Variants in UBR3 observed in about 807,000 individuals in gnomAD.
UBR3 encodes the protein E3 ubiquitin-protein ligase UBR3.
In UBR3, 85 loss-of-function variants were observed where a neutral mutation model predicts 243.2. The ratio of observed to expected loss-of-function variants is 0.35; its 90% confidence interval spans 0.29 to 0.42. UBR3 has a LOEUF of 0.42. Among genes scored for constraint, UBR3 ranks in the 10% least tolerant of loss-of-function variants. The pLI is 1.00. For synonymous variants in UBR3, 748 were observed against 799.8 expected, an observed-to-expected ratio of 0.94 and a Z score of 1.09; for missense variants, 1,686 against 2,300.8, an observed-to-expected ratio of 0.73 and a Z score of 5.47.
intron 27 of UBR3, among the ~76,000 whole-genome samples, chr2:170,003,766 G>T (rs541442865): frequency 7.2e-4 from 110 of 151,798 alleles, no homozygotes; most frequent in African/African-American, 2.5e-3. Context: ...TCAGCCTCCC[G>T]AGTGGCTGGG....
intron 24 of UBR3, among the ~76,000 whole-genome samples, chr2:169,962,383 C>T (rs1309627638): frequency 6.6e-6 from 1 of 152,032 alleles, no homozygotes; most frequent in African/African-American, 2.4e-5. Flanking sequence ...GCCAGTTAAG[C>T]CTTTAAATGA....
rs114791659 is a variant in UBR3 at position 169,890,297 on chromosome 2, T to C, written c.1039-868T>C. 2.8e-3 allele frequency among the ~76,000 whole-genome samples: 421 copies of C among 152,066 alleles called. 1 individual carries two copies. Among genetic ancestry groups the C allele is most frequent in the African/African-American group, 9.8e-3 (405 of 41,454 alleles). ...CTTCTTTGCTCCTCTTCCCTCTGCA[T>C]TGTCATAGTTGGCTGGCTTTCTTTA... On this transcript the variant is annotated intron_variant, in intron 5 of 38. Transcript: ENST00000272793.
At chr2:170,067,177 T>G (rs934551797) in intron 35 of UBR3, among the ~76,000 whole-genome samples, 8 of 152,088 alleles carry the variant, frequency 5.3e-5, no homozygotes, top group Non-Finnish European at 8.8e-5. Flanking sequence ...ATGCTGTTCC[T>G]TGCCACACAA....
At chr2:169,864,685 C>T (rs374579379) in intron 1 of UBR3, among the ~76,000 whole-genome samples, 22 of 151,752 alleles carry the variant, frequency 1.4e-4, no homozygotes, top group Non-Finnish European at 2.2e-4. Flanking sequence ...AGGCAGATCA[C>T]GAGGTCAGGA....
At chr2:170,007,411 C>T (rs939927409) in intron 28 of UBR3, among the ~76,000 whole-genome samples, 3 of 152,066 alleles carry the variant, frequency 2.0e-5, no homozygotes, top group African/African-American at 7.2e-5. Flanking sequence ...TTTTAATATA[C>T]GTCTTCTAGG....
chr2:169,912,783 T>G (rs1420285200), intron 10 of UBR3, among the ~76,000 whole-genome samples: 1 of 149,650 alleles, frequency 6.7e-6, no homozygotes, highest in Non-Finnish European at 1.5e-5. Context: ...ACTGCCAAGC[T>G]TTTTTTTTTC....
At chr2:169,967,084 AT>A (rs1315281203) in intron 24 of UBR3, among the ~76,000 whole-genome samples, 1 of 152,198 alleles carries the variant, frequency 6.6e-6, no homozygotes, top group Non-Finnish European at 1.5e-5. Context: ...GATAGGTAGT[AT>A]TATCCCACAT....
At chr2:169,862,419 G>T (rs2083125051) in intron 1 of UBR3, among the ~76,000 whole-genome samples, 1 of 152,100 alleles carries the variant, frequency 6.6e-6, no homozygotes, top group Non-Finnish European at 1.5e-5. Context: ...ATTTGGAACT[G>T]AATTTCTGAT....
rs1374672663 is a variant in UBR3, at chr2:169,929,528, A to G, written c.2566+660A>G. 4.6e-5 allele frequency among the ~76,000 whole-genome samples: 7 copies of G among 152,132 alleles called. No individual in the cohort carries two copies. The East Asian group carries it at 7.7e-4, about 17-fold the overall frequency. On this transcript the variant is annotated intron_variant, in intron 18 of 38. Coordinates refer to ENST00000272793, the MANE Select transcript of UBR3 (RefSeq NM_172070.4). ...GAGGTGGAGGTTATAGTGAGACCCTATCGTGGCCACTGCACTCCAGCCTAG... is the reference window on the plus strand; with the variant it reads ...GAGGTGGAGGTTATAGTGAGACCCTGTCGTGGCCACTGCACTCCAGCCTAG...
Position 169,921,235 on chromosome 2 carries a change from T to TA in UBR3, c.1867-2692dup, listed in dbSNP as rs532518294. Among the ~76,000 whole-genome samples the TA allele has an allele frequency of 2.2e-3, 335 of 152,276 alleles. 1 individual carries two copies. Among genetic ancestry groups the TA allele is most frequent in the Non-Finnish European group, 3.8e-3 (256 of 68,026 alleles). On this transcript the variant is annotated intron_variant, in intron 11 of 38. Transcript: ENST00000272793. ...CTGTATTTGTGGTCCTATGGAATAT[T>TA]AAGTATTGCTGTTCAGTAGACACCT...
chr2:169,834,868 T>C (rs1265473068), intron 1 of UBR3, among the ~76,000 whole-genome samples: 1 of 152,182 alleles, frequency 6.6e-6, no homozygotes, highest in Non-Finnish European at 1.5e-5. Flanking sequence ...AATGTTACAA[T>C]GTAGATAAAC....
chr2:169,980,142 G>A (rs1047712057), intron 24 of UBR3, among the ~76,000 whole-genome samples: 4 of 152,146 alleles, frequency 2.6e-5, no homozygotes, highest in Non-Finnish European at 4.4e-5. Flanking sequence ...ACCACTATAC[G>A]TATATACTGA....
At chr2:169,843,460 A>G (rs980864612) in intron 1 of UBR3, among the ~76,000 whole-genome samples, 2 of 152,232 alleles carry the variant, frequency 1.3e-5, no homozygotes, top group African/African-American at 4.8e-5. Flanking sequence ...CTGAGAGGGC[A>G]GACCCCTAAT....
intron 25 of UBR3, 75 bp downstream of exon 25, chr2:169,986,869 T>A (rs1016502884): frequency 6.9e-7 from 1 of 1,450,016 alleles, no homozygotes; most frequent in South Asian, 1.3e-5. Flanking sequence ...AATATCTGTA[T>A]TAAATGAAAA....
chr2:169,959,859 A>C (rs532393662), intron 24 of UBR3, among the ~76,000 whole-genome samples: 1 of 152,270 alleles, frequency 6.6e-6, no homozygotes, highest in East Asian at 1.9e-4. Flanking sequence ...ACTGGTTGGC[A>C]TATAGTTGTG....
intron 1 of UBR3, among the ~76,000 whole-genome samples, chr2:169,869,052 CG>C (rs2083348237): frequency 1.3e-5 from 2 of 152,054 alleles, no homozygotes; most frequent in South Asian, 4.1e-4. Context: ...ATTTATCTCC[CG>C]TACGTCTTGT....
chr2:169,902,376 C>T (rs2084858701), intron 8 of UBR3, among the ~76,000 whole-genome samples: 1 of 152,156 alleles, frequency 6.6e-6, no homozygotes, highest in South Asian at 2.1e-4. Flanking sequence ...CCCCTAGTGG[C>T]TTTCCATTCT....
chr2:169,990,716 TACACACACACACAC>T (rs147119929), intron 25 of UBR3, among the ~76,000 whole-genome samples: 10,023 of 142,058 alleles, frequency 0.071, 349 homozygotes, highest in Non-Finnish European at 0.088. Context: ...AAAAAAGTTA[TACACACACACACAC>T]ACACACACAC....
At chr2:170,045,456 G>A (rs1574444138) in intron 32 of UBR3, among the ~76,000 whole-genome samples, 1 of 152,170 alleles carries the variant, frequency 6.6e-6, no homozygotes, top group Non-Finnish European at 1.5e-5. Context: ...TCACAAATCT[G>A]TTCTTAACCA....
Sources: allele counts gnomAD v4.1 joint callset (sites outside exome capture counted in the v4.1 genomes callset), GRCh38; gene constraint gnomAD v4.1.1; transcripts MANE v1.5; gene names NCBI Gene and HGNC (gene_info 2026-07-23, HGNC 2026-07-21).